Variants in MGAT4C observed in about 807,000 individuals in gnomAD.
MGAT4C encodes the protein alpha-1,3-mannosyl-glycoprotein 4-beta-N-acetylglucosaminyltransferase C.
Under a neutral mutation model 40.1 loss-of-function variants are expected in MGAT4C, and 19 were observed. The observed-to-expected ratio is 0.47, with a 90% CI of 0.33 to 0.70. The LOEUF is 0.70. MGAT4C is among the 30% of genes least tolerant of loss of function. The pLI, the probability that MGAT4C is intolerant of heterozygous loss-of-function variation, is 0.02. For synonymous variants in MGAT4C, 181 were observed against 187.1 expected (o/e 0.97, Z 0.27); for missense variants, 491 against 563.2 (o/e 0.87, Z 1.30).
intron 1 of MGAT4C, among the ~76,000 whole-genome samples, chr12:86,161,388 C>CA (rs1050470988): frequency 1.3e-5 from 2 of 151,786 alleles, no homozygotes; most frequent in Non-Finnish European, 2.9e-5. Context: ...ACAAGGCTGA[C>CA]AAAAAAAGGC....
intron 2 of MGAT4C, among the ~76,000 whole-genome samples, chr12:86,003,692 A>C (rs947098429): frequency 6.6e-6 from 1 of 152,126 alleles, no homozygotes; most frequent in African/African-American, 2.4e-5. Flanking sequence ...TTAAGTAATA[A>C]ATACTCACTA....
intron 4 of MGAT4C, among the ~76,000 whole-genome samples, chr12:86,314,964 A>G (rs534112441): frequency 6.6e-6 from 1 of 152,280 alleles, no homozygotes; most frequent in African/African-American, 2.4e-5. Context: ...TCAAACTGCC[A>G]ATGTCATTTT....
At position 86,632,383 on chromosome 12, in the gene MGAT4C, T is replaced by G. The variant is rs890464320; in HGVS notation, c.-229+94826A>C. ...AGGATCGAGAACTAGAAATACCATT[T>G]GAACCAGCCATCCCATTACTGGGTA... On this transcript the variant is annotated intron_variant, in intron 2 of 7. Coordinates refer to the MGAT4C transcript ENST00000548651. Among the ~76,000 whole-genome samples the G allele has an allele frequency of 2.7e-4, 41 of 152,176 alleles. 1 individual carries two copies. Among genetic ancestry groups the G allele is most frequent in the African/African-American group, 9.7e-4 (40 of 41,450 alleles).
chr12:86,031,491 T>G (rs1232506833), intron 2 of MGAT4C, among the ~76,000 whole-genome samples: 1 of 151,856 alleles, frequency 6.6e-6, no homozygotes, highest in Non-Finnish European at 1.5e-5. Context: ...GACTAGATTA[T>G]GAATATGTAT....
intron 1 of MGAT4C, among the ~76,000 whole-genome samples, chr12:86,133,206 T>C (rs1363626797): frequency 1.3e-5 from 2 of 152,254 alleles, no homozygotes; most frequent in African/African-American, 4.8e-5. Flanking sequence ...AAAGCACATG[T>C]TAAGTAATTT....
intron 2 of MGAT4C, among the ~76,000 whole-genome samples, chr12:86,040,574 G>T (rs1441413991): frequency 6.6e-6 from 1 of 152,174 alleles, no homozygotes; most frequent in Non-Finnish European, 1.5e-5. Context: ...AATGGCGGAA[G>T]CCCCTCTCCT....
At position 86,718,808 on chromosome 12, in the gene MGAT4C, T is replaced by C. The variant is rs1950692497; in HGVS notation, c.-229+8401A>G. Among the ~76,000 whole-genome samples the C allele has an allele frequency of 3.9e-5, 6 of 152,166 alleles. No homozygotes were observed. In the South Asian group the frequency reaches 1.2e-3, roughly 32 times the overall value. On this transcript the variant is annotated intron_variant, in intron 2 of 7. Coordinates refer to the MGAT4C transcript ENST00000548651. ...ATGCTCCTTATGAGTGTCTAACTAA[T>C]GTCTGTTTATCTGAGGTGGGTCAGT...
Position 86,614,039 on chromosome 12 carries a change from A to T in MGAT4C, c.-229+113170T>A, listed in dbSNP as rs1385461373. Reference sequence around the variant, plus strand: ...TAGTACACAAAATTTATGCCACAACATCCTCTATAATTGCTAAAAATGGAA... The same window carrying T: ...TAGTACACAAAATTTATGCCACAACTTCCTCTATAATTGCTAAAAATGGAA... On this transcript the variant is annotated intron_variant, in intron 2 of 7. Coordinates refer to the MGAT4C transcript ENST00000548651. Among the ~76,000 whole-genome samples the T allele has an allele frequency of 2.6e-5, 4 of 152,170 alleles. No individual in the cohort carries two copies. The East Asian group carries it at 5.8e-4, about 22-fold the overall frequency.
At position 86,774,319 on chromosome 12, in the gene MGAT4C, C is replaced by CTTTCTTTCTTTCTTTCTTTCTTTCTT. The variant is rs1555227779; in HGVS notation, c.-261-47079_-261-47078insAAGAAAGAAAGAAAGAAAGAAAGAAA. On this transcript the variant is annotated intron_variant, in intron 1 of 7. Transcript: ENST00000548651. ...TCTTTCTTTCTTTCTTTCTTTCTTT[C>CTTTCTTTCTTTCTTTCTTTCTTTCTT]TTTCTTTCTTTCTTTCTTTCTGTCT... 3.7e-4 allele frequency among the ~76,000 whole-genome samples: 35 copies of CTTTCTTTCTTTCTTTCTTTCTTTCTT among 93,708 alleles called. 1 individual carries two copies. The highest frequency in any genetic ancestry group is 9.5e-4 in the East Asian group (3 of 3,152). 61.5% of individuals were successfully genotyped at this position (93,708 alleles called of 152,430 possible).
intron 3 of MGAT4C, among the ~76,000 whole-genome samples, chr12:86,386,000 G>A (rs1592773356): frequency 6.6e-6 from 1 of 151,860 alleles, no homozygotes; most frequent in African/African-American, 2.4e-5. Context: ...GCAAGATCTC[G>A]GCTCACTGCA....
intron 2 of MGAT4C, among the ~76,000 whole-genome samples, chr12:86,485,823 A>T (rs138354642): frequency 6.6e-6 from 1 of 152,272 alleles, no homozygotes; most frequent in African/African-American, 2.4e-5. Context: ...AACAGCAGCT[A>T]GAGAGAAGGG....
intron 1 of MGAT4C, among the ~76,000 whole-genome samples, chr12:86,130,505 A>G (rs892922289): frequency 6.6e-6 from 1 of 152,140 alleles, no homozygotes; most frequent in African/African-American, 2.4e-5. Flanking sequence ...TTCCTAACTC[A>G]ATACAAATGG....
At position 86,391,971 on chromosome 12, in the gene MGAT4C, A is replaced by G. The variant is rs1395620011; in HGVS notation, c.-120+43186T>C. On this transcript the variant is annotated intron_variant, in intron 3 of 7. Transcript: ENST00000548651. ...TTAGCAGAATAATAATGAGTCATTT[A>G]TTTATCTTTTTAAAATTCTAGTTTT... 2.6e-5 allele frequency among the ~76,000 whole-genome samples: 4 copies of G among 152,264 alleles called. No homozygotes were observed. The South Asian group carries it at 6.2e-4, about 24-fold the overall frequency.
chr12:86,655,780 C>A (rs914946011), intron 2 of MGAT4C, among the ~76,000 whole-genome samples: 2 of 152,030 alleles, frequency 1.3e-5, no homozygotes, highest in Admixed American at 6.6e-5. Context: ...GTTTCAAATC[C>A]TGTCTGTCAC....
intron 1 of MGAT4C, among the ~76,000 whole-genome samples, chr12:86,095,574 C>G (rs1405634952): frequency 6.6e-6 from 1 of 150,986 alleles, no homozygotes; most frequent in Non-Finnish European, 1.5e-5. Context: ...GGCTACCTAT[C>G]TACTCATGCT....
chr12:86,312,084 C>T lies in MGAT4C; in HGVS notation c.-57+21981G>A, dbSNP rs950916495. On this transcript the variant is annotated intron_variant, in intron 4 of 7. Coordinates refer to the MGAT4C transcript ENST00000548651. ...TGGGTTTTGTTTTGTTTTGTTGTTT[C>T]GCTTTTTGCACAATGTGTCCTGCAT... Among the ~76,000 whole-genome samples, 21 of 152,042 alleles carry T rather than the reference C, an allele frequency of 1.4e-4. 1 individual carries two copies. The highest frequency in any genetic ancestry group is 1.9e-4 in the East Asian group (1 of 5,198).
chr12:86,695,793 G>C (rs1274640363), intron 2 of MGAT4C, among the ~76,000 whole-genome samples: 1 of 151,822 alleles, frequency 6.6e-6, no homozygotes, highest in Non-Finnish European at 1.5e-5. Flanking sequence ...TTAGGGGGTG[G>C]GAGAGTGAAG....
At chr12:86,295,083 T>C (rs1953628000) in intron 4 of MGAT4C, among the ~76,000 whole-genome samples, 1 of 152,208 alleles carries the variant, frequency 6.6e-6, no homozygotes, top group South Asian at 2.1e-4. Flanking sequence ...ATAATAATAA[T>C]GCCTTTGCTT....
chr12:86,595,878 TC>T (rs1961517590), intron 2 of MGAT4C, among the ~76,000 whole-genome samples: 1 of 152,068 alleles, frequency 6.6e-6, no homozygotes, highest in South Asian at 2.1e-4. Flanking sequence ...TTTTACAGCT[TC>T]CGGTCAGACC....
Sources: allele counts gnomAD v4.1 joint callset (sites outside exome capture counted in the v4.1 genomes callset), GRCh38; gene constraint gnomAD v4.1.1; transcripts MANE v1.5; gene names NCBI Gene and HGNC (gene_info 2026-07-23, HGNC 2026-07-21).